The following ACSM3 variants were observed in gnomAD, a reference collection of about 807,000 sequenced individuals.
ACSM3 encodes the protein acyl-coenzyme A synthetase ACSM3, mitochondrial.
In ACSM3, 61 loss-of-function variants were observed where a neutral mutation model predicts 74.1. That is an observed-to-expected ratio of 0.82 (90% confidence interval 0.67 to 1.02). The LOEUF (loss-of-function observed/expected upper bound fraction) is 1.02. ACSM3 is among the 50% of genes least tolerant of loss of function. ACSM3 has a pLI of 0.00. For synonymous variants in ACSM3, 213 were observed against 241.5 expected (o/e 0.88, Z 1.09); for missense variants, 660 against 697.0 (o/e 0.95, Z 0.60).
chr16:20,711,630 G>T, intron 1 of ACSM3: 1 of 950,380 alleles, frequency 1.1e-6, no homozygotes, highest in Non-Finnish European at 1.6e-6. Context: ...CCAAACTCCT[G>T]GTGTCTCCAC....
chr16:20,696,184 T>C (rs1402716032), intron 1 of ACSM3, among the ~76,000 whole-genome samples: 2 of 152,152 alleles, frequency 1.3e-5, no homozygotes, highest in Non-Finnish European at 2.9e-5. Flanking sequence ...ACTCTATGAG[T>C]TCCCATAATA....
At chr16:20,691,889 T>C (rs944204082) in intron 1 of ACSM3, among the ~76,000 whole-genome samples, 1 of 151,838 alleles carries the variant, frequency 6.6e-6, no homozygotes, top group African/African-American at 2.4e-5. Context: ...ATGATTCCTA[T>C]CATGTGGAGA....
chr16:20,738,425 G>C (rs1278125562), intron 1 of ACSM3, among the ~76,000 whole-genome samples: 1 of 152,028 alleles, frequency 6.6e-6, no homozygotes, highest in Non-Finnish European at 1.5e-5. Context: ...AACCATGCTG[G>C]GCACAACATC....
chr16:20,750,391 T>A (rs191311935), intron 2 of ACSM3, among the ~76,000 whole-genome samples: 1 of 152,318 alleles, frequency 6.6e-6, no homozygotes, highest in East Asian at 1.9e-4. Flanking sequence ...TATTGAAATG[T>A]GGGCAGAAGT....
intron 1 of ACSM3, among the ~76,000 whole-genome samples, chr16:20,705,633 T>C (rs1399341826): frequency 6.6e-6 from 1 of 152,068 alleles, no homozygotes; most frequent in East Asian, 1.9e-4. Flanking sequence ...AAATCCAGAT[T>C]CTCTACCAAA....
rs375627270 is a variant in ACSM3, at chr16:20,770,258, G to A, written c.219+5G>A. ...CAATGGACTGATAAGGAAAAGGTATGGGGGGAGGGCCAGTCAGACCACAAT... is the reference window on the plus strand; with the variant it reads ...CAATGGACTGATAAGGAAAAGGTATAGGGGGAGGGCCAGTCAGACCACAAT... On this transcript the variant is annotated splice_donor_5th_base_variant and intron_variant, in intron 2 of 13. Coordinates refer to ENST00000289416, the MANE Select transcript of ACSM3 (RefSeq NM_005622.4). 5.0e-6 allele frequency: 8 copies of A among 1,611,460 alleles called. No homozygotes were observed. The African/African-American group carries it at 5.3e-5, about 11-fold the overall frequency.
At chr16:20,746,284 G>GT (rs1325171672) in intron 1 of ACSM3, among the ~76,000 whole-genome samples, 2 of 152,090 alleles carry the variant, frequency 1.3e-5, no homozygotes, top group Non-Finnish European at 2.9e-5. Flanking sequence ...ATGGAAGCCT[G>GT]TTTTTTTCTT....
chr16:20,761,834 T>C (rs974692039), upstream of ACSM3, among the ~76,000 whole-genome samples: 1 of 152,148 alleles, frequency 6.6e-6, no homozygotes, highest in Non-Finnish European at 1.5e-5. Context: ...TTAACTGGTA[T>C]ACAACCTTCC....
intron 1 of ACSM3, among the ~76,000 whole-genome samples, chr16:20,723,584 T>C (rs1264923476): frequency 6.6e-6 from 1 of 152,168 alleles, no homozygotes; most frequent in African/African-American, 2.4e-5. Flanking sequence ...TTCTAACTGG[T>C]GTGAGATGGT....
intron 1 of ACSM3, among the ~76,000 whole-genome samples, chr16:20,720,304 A>G (rs1173330057): frequency 1.3e-5 from 2 of 152,230 alleles, no homozygotes; most frequent in Non-Finnish European, 2.9e-5. Context: ...CTGCAACTAG[A>G]CAGTCCCATC....
In ACSM3 at chr16:20,714,651, G is replaced by A. The variant is rs184424631; in HGVS notation, c.-189-35259G>A. Among the ~76,000 whole-genome samples the A allele has an allele frequency of 1.6e-3, 240 of 152,248 alleles. 1 individual carries two copies. Among genetic ancestry groups the A allele is most frequent in the Admixed American group, 3.5e-3 (54 of 15,294 alleles). Reference sequence around the variant, plus strand: ...AGGAAGAAAGAGTCAAGGTTGATCTGCTTTTTGACTTAGGTGATCAGTGGG... The same window carrying A: ...AGGAAGAAAGAGTCAAGGTTGATCTACTTTTTGACTTAGGTGATCAGTGGG... On this transcript the variant is annotated intron_variant, in intron 1 of 3. Coordinates refer to the ACSM3 transcript ENST00000561584.
At chr16:20,691,098 A>AC (rs2079645371) in intron 1 of ACSM3, 1 of 1,613,406 alleles carries the variant, frequency 6.2e-7, no homozygotes. Context: ...TCTGATAAAG[A>AC]CCGGCAGCGC....
At chr16:20,727,318 G>A (rs2079809998) in intron 1 of ACSM3, 2 of 574,946 alleles carry the variant, frequency 3.5e-6, no homozygotes, top group Non-Finnish European at 6.7e-6. Context: ...TCTCAAAAAG[G>A]CCCCATGCAA....
chr16:20,782,550 C>G (rs546910494), intron 7 of ACSM3, among the ~76,000 whole-genome samples: 1 of 152,322 alleles, frequency 6.6e-6, no homozygotes, highest in Admixed American at 6.5e-5. Flanking sequence ...CCCACATTGA[C>G]CAATTCTCCA....
At chr16:20,783,584 T>C (rs1244679302) in intron 7 of ACSM3, 1 of 152,194 alleles carries the variant, frequency 6.6e-6, no homozygotes, top group Non-Finnish European at 1.5e-5. Context: ...TTATAGCTCA[T>C]ATCACAGGTA....
At chr16:20,769,560 T>C (rs970335091) in intron 1 of ACSM3, among the ~76,000 whole-genome samples, 1 of 152,240 alleles carries the variant, frequency 6.6e-6, no homozygotes, top group African/African-American at 2.4e-5. Flanking sequence ...TCTACCCTAC[T>C]TTGAAATCTG....
At chr16:20,781,682 A>C (rs763641191) in intron 6 of ACSM3, 26 bp from the exon 7 acceptor site, 1 of 1,563,270 alleles carries the variant, frequency 6.4e-7, no homozygotes, top group Non-Finnish European at 8.8e-7. Context: ...TAGTAAGACC[A>C]AGAGTTTGCT....
At chr16:20,693,679 A>G (rs1455854755) in intron 1 of ACSM3, among the ~76,000 whole-genome samples, 2 of 152,166 alleles carry the variant, frequency 1.3e-5, no homozygotes, top group African/African-American at 4.8e-5. Context: ...GATGTTCTCC[A>G]GTTTGATGCA....
rs373178853 is a variant in ACSM3, at chr16:20,790,660, G to A, written c.1298G>A (p.Arg433Gln). Residue 433 changes from arginine (R) to glutamine (Q), a missense_variant, in exon 10 of 14, where the codon CGA becomes CAA. Physicochemically the swap from Arg to Gln is conservative, Grantham distance 43. Transcript: ENST00000289416. The surrounding 1 kb of genome is among the most constrained non-coding windows in gnomAD (Gnocchi z 4.0). The part of the protein sequence containing the change: ...GDIGIQVLPN[R>Q]PFGLFTHYVD... ...ATTGGCATTCAAGTTCTACCCAACC[G>A]ACCATTTGGCCTTTTTACTCATTAC... 34 of 1,613,934 alleles carry A rather than the reference G, an allele frequency of 2.1e-5. No individual in the cohort carries two copies. The highest frequency in any genetic ancestry group is 2.8e-5 in the Non-Finnish European group (33 of 1,179,994).
Sources: allele counts gnomAD v4.1 joint callset (sites outside exome capture counted in the v4.1 genomes callset), GRCh38; gene constraint gnomAD v4.1.1; non-coding constraint Gnocchi (gnomAD v3.1); transcripts MANE v1.5; gene names NCBI Gene and HGNC (gene_info 2026-07-23, HGNC 2026-07-21).